Variants in CSMD1 observed in about 807,000 individuals in gnomAD.
CSMD1 encodes the protein CUB and sushi domain-containing protein 1.
A neutral mutation model predicts 417.5 loss-of-function variants in CSMD1; 213 were observed. The observed-to-expected ratio is 0.51, with a 90% CI of 0.46 to 0.57. CSMD1 has a LOEUF of 0.57. CSMD1 is among the 20% of genes least tolerant of loss of function. The pLI is 0.00. For missense variants in CSMD1, 6,923 were observed against 4,529.7 expected (o/e 1.53, Z -15.17); for synonymous variants, 2,862 against 1,736.8 (o/e 1.65, Z -16.11).
chr8:3,263,684 G>C (rs1339747629), intron 26 of CSMD1, among the ~76,000 whole-genome samples: 1 of 152,138 alleles, frequency 6.6e-6, no homozygotes, highest in Non-Finnish European at 1.5e-5. Context: ...AATAGGATAA[G>C]TGAATACTGT....
chr8:4,740,614 T>C (rs897477520), intron 1 of CSMD1, among the ~76,000 whole-genome samples: 15 of 152,200 alleles, frequency 9.9e-5, no homozygotes, highest in African/African-American at 3.6e-4. Flanking sequence ...TGATGAAATG[T>C]TGTGGAAGAC....
rs1324426384 is a variant in CSMD1, at chr8:4,385,125, C to A, written c.415+34828G>T. Among the ~76,000 whole-genome samples the A allele has an allele frequency of 3.3e-5, 5 of 150,930 alleles. No individual in the cohort carries two copies. In the South Asian group the frequency reaches 6.4e-4, roughly 19 times the overall value. On this transcript the variant is annotated intron_variant, in intron 3 of 69. Transcript: ENST00000635120. ...TATTTTTAGAAGAGACGGTGTTTCA[C>A]CATGTTGGCCAGGCTGGTCTTGAAC...
At chr8:3,809,512 C>T (rs1006796639) in intron 5 of CSMD1, among the ~76,000 whole-genome samples, 2 of 152,132 alleles carry the variant, frequency 1.3e-5, no homozygotes, top group African/African-American at 2.4e-5. Flanking sequence ...TTAATTGGGT[C>T]ATCCCAGAAA....
intron 5 of CSMD1, among the ~76,000 whole-genome samples, chr8:3,832,528 T>C (rs1802436050): frequency 6.6e-6 from 1 of 152,200 alleles, no homozygotes; most frequent in Admixed American, 6.5e-5. Flanking sequence ...TTTTAAACTA[T>C]TTTTGTCTTA....
intron 3 of CSMD1, among the ~76,000 whole-genome samples, chr8:4,371,838 TA>T (rs1408495357): frequency 6.6e-6 from 1 of 152,204 alleles, no homozygotes; most frequent in African/African-American, 2.4e-5. Context: ...CAGGGTCAAG[TA>T]AACTGAATTG....
chr8:4,205,333 G>A (rs1227644271), intron 3 of CSMD1, among the ~76,000 whole-genome samples: 1 of 152,194 alleles, frequency 6.6e-6, no homozygotes, highest in Non-Finnish European at 1.5e-5. Flanking sequence ...TCTAAAATAA[G>A]TATTTAATGA....
At chr8:4,516,106 T>C (rs539312609) in intron 2 of CSMD1, among the ~76,000 whole-genome samples, 2 of 152,206 alleles carry the variant, frequency 1.3e-5, no homozygotes, top group Admixed American at 1.3e-4. Context: ...TACCGGGGGC[T>C]GAGTTCTTTA....
chr8:4,786,809 C>G (rs909871440), intron 1 of CSMD1, among the ~76,000 whole-genome samples: 2 of 151,916 alleles, frequency 1.3e-5, no homozygotes. Flanking sequence ...GTCAATTAAT[C>G]CTAAAAGACT....
chr8:3,675,671 G>T (rs909712852), intron 7 of CSMD1, among the ~76,000 whole-genome samples: 1 of 152,168 alleles, frequency 6.6e-6, no homozygotes, highest in African/African-American at 2.4e-5. Context: ...ACAATTAGAA[G>T]ATGCCATCTG....
At chr8:3,993,315 G>T (rs1363229911) in intron 5 of CSMD1, among the ~76,000 whole-genome samples, 1 of 152,184 alleles carries the variant, frequency 6.6e-6, no homozygotes, top group Admixed American at 6.5e-5. Flanking sequence ...GAGAAGGATT[G>T]ATTTCAGGGA....
chr8:4,539,828 T>A (rs1355226186), intron 2 of CSMD1, among the ~76,000 whole-genome samples: 3 of 152,204 alleles, frequency 2.0e-5, no homozygotes, highest in African/African-American at 4.8e-5. Flanking sequence ...ATTATGTGTA[T>A]GAAATAGTTT....
intron 3 of CSMD1, among the ~76,000 whole-genome samples, chr8:4,404,448 G>C (rs926552283): frequency 2.6e-5 from 4 of 152,128 alleles, no homozygotes; most frequent in Admixed American, 1.3e-4. Context: ...AGCAACGAAA[G>C]TAATTTTTGC....
At chr8:3,382,507 T>TCATATATATATAAATTTATATAAA (rs1810697692) in intron 18 of CSMD1, among the ~76,000 whole-genome samples, 10 of 131,598 alleles carry the variant, frequency 7.6e-5, no homozygotes. Context: ...GTATATAAAT[T>TCATATATATATAAATTTATATAAA]TATATATATA....
At chr8:4,138,624 A>AC (rs372785573) in intron 3 of CSMD1, among the ~76,000 whole-genome samples, 44,884 of 151,916 alleles carry the variant, frequency 0.3, 8,042 homozygotes, top group Non-Finnish European at 0.39. Context: ...AATTAAACAA[A>AC]GGAAAAAACA....
chr8:4,610,629 G>C (rs1474543235), intron 2 of CSMD1, among the ~76,000 whole-genome samples: 1 of 152,132 alleles, frequency 6.6e-6, no homozygotes, highest in Non-Finnish European at 1.5e-5. Context: ...AGTACACTTA[G>C]AAATACCTGA....
intron 3 of CSMD1, among the ~76,000 whole-genome samples, chr8:4,224,835 C>G (rs369148213): frequency 2.6e-5 from 4 of 152,166 alleles, no homozygotes; most frequent in Non-Finnish European, 5.9e-5. Flanking sequence ...ATATATAGGG[C>G]GCTGTGGCTC....
intron 1 of CSMD1, among the ~76,000 whole-genome samples, chr8:4,839,052 G>C (rs756106625): frequency 4.6e-5 from 7 of 150,696 alleles, no homozygotes; most frequent in East Asian, 1.9e-4. Flanking sequence ...TTGGTTTTTT[G>C]CCTGTCTGCT....
At chr8:3,168,440 A>G (rs1399251321) in intron 37 of CSMD1, among the ~76,000 whole-genome samples, 1 of 152,164 alleles carries the variant, frequency 6.6e-6, no homozygotes, top group African/African-American at 2.4e-5. Flanking sequence ...TAATTCGAAA[A>G]ATCGCATTAA....
At chr8:4,450,324 T>C (rs1239210754) in intron 2 of CSMD1, among the ~76,000 whole-genome samples, 1 of 152,196 alleles carries the variant, frequency 6.6e-6, no homozygotes, top group Non-Finnish European at 1.5e-5. Flanking sequence ...ATTTTTTCTT[T>C]GTTTTTTTAA....
Sources: gnomAD v4.1 joint callset for allele counts (sites outside exome capture counted in the v4.1 genomes callset) on GRCh38, gnomAD v4.1.1 for gene constraint, MANE v1.5 for transcripts, NCBI Gene and HGNC (gene_info 2026-07-23, HGNC 2026-07-21) for gene names.